The following SPOCD1 variants were observed in gnomAD, a reference collection of about 807,000 sequenced individuals.
SPOCD1 encodes the protein SPOC domain-containing protein 1.
SPOCD1 carries 64 observed loss-of-function variants against 92.2 expected under a neutral mutation model. The ratio of observed to expected loss-of-function variants is 0.69; its 90% CI spans 0.57 to 0.86. SPOCD1 has a LOEUF of 0.86. SPOCD1 is among the 40% of genes least tolerant of loss of function. The pLI is 0.00. For missense variants in SPOCD1, 1,360 were observed against 1,543.1 expected (o/e 0.88, Z 1.99); for synonymous variants, 578 against 619.3 (o/e 0.93, Z 0.99).
In SPOCD1 at chr1:31,802,546, T is replaced by C. The variant is rs149019007; in HGVS notation, c.1384-841A>G. Reference sequence around the variant, plus strand: ...CATGGAAAGATGTCAAGAAGTATTATTGGGAGAAAAAGAAAAAATAGGTTA... The same window carrying C: ...CATGGAAAGATGTCAAGAAGTATTACTGGGAGAAAAAGAAAAAATAGGTTA... On this transcript the variant is annotated intron_variant, in intron 2 of 15. Transcript: ENST00000360482. 2.6e-5 allele frequency among the ~76,000 whole-genome samples: 4 copies of C among 152,284 alleles called. No individual in the cohort carries two copies. The East Asian group carries it at 5.8e-4, about 22-fold the overall frequency.
intron 2 of SPOCD1, among the ~76,000 whole-genome samples, chr1:31,811,866 T>C (rs1649222392): frequency 6.6e-6 from 1 of 152,196 alleles, no homozygotes; most frequent in African/African-American, 2.4e-5. Context: ...CCAGCAGTCA[T>C]GGGCTGCTTC....
At chr1:31,812,747 G>A (rs996586796) in intron 2 of SPOCD1, among the ~76,000 whole-genome samples, 1 of 152,200 alleles carries the variant, frequency 6.6e-6, no homozygotes, top group African/African-American at 2.4e-5. Flanking sequence ...ATGCTGTTAC[G>A]ACTGTGCCGA....
Position 31,814,096 on chromosome 1 carries a change from A to C in SPOCD1, c.1238T>G (p.Phe413Cys). The C allele has an allele frequency of 6.2e-7, 1 of 1,613,500 alleles. No individual in the cohort carries two copies. The highest frequency in any genetic ancestry group is 8.5e-7 in the Non-Finnish European group (1 of 1,179,690). Residue 413 changes from phenylalanine (F) to cysteine (C), a missense_variant, in exon 2 of 16, where the codon TTC (phenylalanine) becomes TGC (cysteine). By Grantham distance (205) the Phe-to-Cys change is radical. Coordinates refer to ENST00000360482, the MANE Select transcript of SPOCD1 (RefSeq NM_144569.7). This position sits in a 1 kb window ranked among gnomAD's most constrained non-coding sequence, Gnocchi z 4.2. Reference sequence around the variant, plus strand: ...GCCCTTGGATCTTCTCTGCTCCATGAATGGGCCTGAGCAGGCCCTGCTGGC... The same window carrying C: ...GCCCTTGGATCTTCTCTGCTCCATGCATGGGCCTGAGCAGGCCCTGCTGGC... ...TEASRACSGP[F>C]MEQRRSKGTK...
intron 2 of SPOCD1, 23 bp from the exon 3 acceptor site, chr1:31,801,728 A>T (rs1458760309): frequency 1.9e-5 from 31 of 1,610,708 alleles, no homozygotes; most frequent in Admixed American, 6.7e-5. Flanking sequence ...GAGGATGCAG[A>T]GATTAGAATC....
chr1:31,800,663 T>C, intron 3 of SPOCD1, 46 bp from the exon 4 acceptor site: 12 of 1,504,070 alleles, frequency 8.0e-6, no homozygotes, highest in Non-Finnish European at 9.0e-6. Flanking sequence ...CCAGCCGCTG[T>C]CCCCGCCTTC....
In SPOCD1 at chr1:31,801,707, T is replaced by C. The variant is rs749081425; in HGVS notation, c.1384-2A>G. 3.7e-6 allele frequency: 6 copies of C among 1,613,436 alleles called. No homozygotes were observed. In the Admixed American group the frequency reaches 8.3e-5, roughly 22 times the overall value. ...TCCATGGGGTATTTTCACTTCCTCC[T>C]TGGAGAGAAAGAGGATGCAGAGATT... On this transcript the variant is annotated splice_acceptor_variant, in intron 2 of 15. Transcript: ENST00000360482. LOFTEE classifies it high-confidence loss of function.
At chr1:31,797,413 G>C (rs1648102719) in intron 9 of SPOCD1, among the ~76,000 whole-genome samples, 1 of 152,216 alleles carries the variant, frequency 6.6e-6, no homozygotes, top group Non-Finnish European at 1.5e-5. Context: ...TTGTCACCTT[G>C]AAATTCTTAG....
intron 2 of SPOCD1, among the ~76,000 whole-genome samples, chr1:31,806,868 T>C (rs559947385): frequency 2.0e-5 from 3 of 152,110 alleles, no homozygotes; most frequent in Admixed American, 6.5e-5. Context: ...CAACTATTAA[T>C]GAAATGTTTA....
chr1:31,794,337 A>T, intron 10 of SPOCD1, 102 bp from the exon 11 acceptor site: 2 of 666,314 alleles, frequency 3.0e-6, no homozygotes, highest in Non-Finnish European at 5.1e-6. Flanking sequence ...TTTTCTCAAT[A>T]ATAAATGTTG....
chr1:31,792,133 T>C, intron 15 of SPOCD1, 82 bp downstream of exon 15: 1 of 1,470,754 alleles, frequency 6.8e-7, no homozygotes, highest in Non-Finnish European at 9.2e-7. Context: ...TGCCTGCCTC[T>C]ACTGGGTGAC....
In SPOCD1 at chr1:31,800,561, C is replaced by G; in HGVS notation, c.1482G>C (p.Gly494=). ...LLGAISHGQA[G]GQLPPKLEVL... ...CCTCCAGCTTTGGTGGCAGCTGCCC[C>G]CCTGCCTGGCCGTGGCTGATGGCCC... The change falls in exon 4 of 16, where the codon GGG becomes GGC. Residue 494 remains glycine, a synonymous_variant. Transcript: ENST00000360482. 1 of 1,610,810 alleles carries G rather than the reference C, an allele frequency of 6.2e-7. No individual in the cohort carries two copies. The highest frequency in any genetic ancestry group is 8.5e-7 in the Non-Finnish European group (1 of 1,178,822).
At position 31,800,607 on chromosome 1, in the gene SPOCD1, C is replaced by T. The variant is rs752816645; in HGVS notation, c.1436G>A (p.Gly479Glu). The change falls in exon 4 of 16, where the codon GGG (glycine) becomes GAG (glutamate). Residue 479 changes from glycine to glutamate, a missense_variant. Around this residue, in one of 3 missense-constraint regions of SPOCD1, gnomAD observed 606 missense variants for 601.5 expected, o/e 1.01. Coordinates refer to ENST00000360482, the MANE Select transcript of SPOCD1 (RefSeq NM_144569.7). ...GGCCCCCAGGAGCTGGATCACTGGC[C>T]CGGAACCCAGCTGCGGGGGAGATCG... ...GVKLVCYLGSGPVIQLLGAIS... is the reference protein window; with the variant it reads ...GVKLVCYLGSEPVIQLLGAIS... 1 of 1,605,258 alleles carries T rather than the reference C, an allele frequency of 6.2e-7. No homozygotes were observed. The highest frequency in any genetic ancestry group is 8.5e-7 in the Non-Finnish European group (1 of 1,174,900).
intron 6 of SPOCD1, 86 bp downstream of exon 6, chr1:31,799,723 G>C: frequency 6.7e-7 from 1 of 1,498,154 alleles, no homozygotes. Context: ...ATCATAGCAG[G>C]GGCTGGGCCC....
Position 31,794,112 on chromosome 1 carries a change from G to C in SPOCD1, c.2383+12C>G. On this transcript the variant is annotated intron_variant, in intron 11 of 15. Coordinates refer to ENST00000360482, the MANE Select transcript of SPOCD1 (RefSeq NM_144569.7). Reference sequence around the variant, plus strand: ...GCTGCCACCCCTGCACCCCTCCCGTGTCCCCTCCCACCCTTGCAGATGTGG... The same window carrying C: ...GCTGCCACCCCTGCACCCCTCCCGTCTCCCCTCCCACCCTTGCAGATGTGG... The C allele has an allele frequency of 6.2e-7, 1 of 1,609,822 alleles. No individual in the cohort carries two copies. Among genetic ancestry groups the C allele is most frequent in the Non-Finnish European group, 8.5e-7 (1 of 1,176,472 alleles).
At chr1:31,800,730 T>G (rs940536081) in intron 3 of SPOCD1, 113 bp from the exon 4 acceptor site, 4 of 947,102 alleles carry the variant, frequency 4.2e-6, no homozygotes, top group Non-Finnish European at 4.6e-6. Flanking sequence ...GAGTGTAAGC[T>G]CCGTGAGGAT....
At chr1:31,813,628 G>C (rs1315966658) in intron 2 of SPOCD1, among the ~76,000 whole-genome samples, 3 of 152,182 alleles carry the variant, frequency 2.0e-5, no homozygotes, top group Non-Finnish European at 4.4e-5. Context: ...GCTGCAATTA[G>C]TATCCTTTTT....
Position 31,801,165 on chromosome 1 carries a change from A to G in SPOCD1, c.1425+499T>C, listed in dbSNP as rs182790648. 4.5e-4 allele frequency among the ~76,000 whole-genome samples: 69 copies of G among 152,342 alleles called. 1 individual carries two copies. Among genetic ancestry groups the G allele is most frequent in the Admixed American group, 4.3e-3 (66 of 15,308 alleles). On this transcript the variant is annotated intron_variant, in intron 3 of 15. Coordinates refer to ENST00000360482, the MANE Select transcript of SPOCD1 (RefSeq NM_144569.7). ...AAGAAATCCCTTCATGACCATTTCA[A>G]GGTGCAAAGTAGATTTTGTTCTTCT...
chr1:31,808,543 T>C (rs1648991328), intron 2 of SPOCD1, among the ~76,000 whole-genome samples: 1 of 151,442 alleles, frequency 6.6e-6, no homozygotes, highest in Non-Finnish European at 1.5e-5. Flanking sequence ...GGGAGTTTCC[T>C]TTACCTGATA....
rs771198465 is a variant in SPOCD1, at chr1:31,791,172, G to A, written c.3082C>T (p.Pro1028Ser). The change falls in exon 16 of 16, where the codon CCC (proline) becomes TCC (serine). Residue 1028 changes from proline to serine, a missense_variant. Physicochemically the swap from Pro to Ser is moderately conservative, Grantham distance 74. This residue lies in a region of SPOCD1 where 614 missense variants were observed against 757.8 expected (regional missense o/e 0.81). Coordinates refer to ENST00000360482, the MANE Select transcript of SPOCD1 (RefSeq NM_144569.7). ...ATCTTTTGAACCTTCCCCAACCAGGGGCTGGACCCTGCTGTGTCTGGAAGC... is the reference window on the plus strand; with the variant it reads ...ATCTTTTGAACCTTCCCCAACCAGGAGCTGGACCCTGCTGTGTCTGGAAGC... ...EGLPDTAGSS[P>S]WLGKVQKMVS... is the part of the protein sequence containing the mutation. The A allele has an allele frequency of 6.2e-7, 1 of 1,612,916 alleles. No homozygotes were observed. Among genetic ancestry groups the A allele is most frequent in the Non-Finnish European group, 8.5e-7 (1 of 1,179,584 alleles).
Sources: gnomAD v4.1 joint callset for allele counts (sites outside exome capture counted in the v4.1 genomes callset) on GRCh38, gnomAD v4.1.1 for gene constraint, gnomAD v4.1.1 regional missense constraint, Gnocchi (gnomAD v3.1) non-coding constraint, MANE v1.5 for transcripts, NCBI Gene and HGNC (gene_info 2026-07-23, HGNC 2026-07-21) for gene names.